FITM2: variants seen among roughly 807,000 people sequenced by gnomAD.
The protein encoded by FITM2 is fat storage inducing transmembrane protein 2.
Under a neutral mutation model 23.3 loss-of-function variants are expected in FITM2, and 16 were observed. The ratio of observed to expected loss-of-function variants is 0.69; its 90% CI spans 0.47 to 1.05. The LOEUF (loss-of-function observed/expected upper bound fraction) is 1.05, where lower values mean the gene tolerates loss of function less well. Ranked by LOEUF, FITM2 falls within the 50% of genes least tolerant of loss-of-function variation. The pLI, the probability that FITM2 is intolerant of heterozygous loss-of-function variation, is 0.00. For synonymous variants in FITM2, 132 were observed against 142.0 expected, an observed-to-expected ratio of 0.93 and a Z score of 0.50; for missense variants, 273 against 327.5, an observed-to-expected ratio of 0.83 and a Z score of 1.29.
Position 44,306,552 on chromosome 20 carries a change from C to A in FITM2, c.*73G>T, listed in dbSNP as rs556686600. On this transcript the variant is annotated 3_prime_UTR_variant, in exon 2 of 2. Transcript: ENST00000396825. The stretch of plus-strand genomic sequence containing the variant: ...TCTGAAGTAGGATCAATAATTTAGC[C>A]AAATAACTAAGCAAAATATATATTT... The A allele has an allele frequency of 1.5e-5, 24 of 1,551,112 alleles. No individual in the cohort carries two copies. The South Asian group carries it at 3.0e-4, about 19-fold the overall frequency.
At chr20:44,310,947 G>A in intron 1 of FITM2, 29 bp downstream of exon 1, 2 of 1,522,696 alleles carry the variant, frequency 1.3e-6, no homozygotes, top group Non-Finnish European at 1.8e-6. Flanking sequence ...GGCTCGGGCG[G>A]GGACAGCGGA....
chr20:44,303,254 T>G lies in FITM2; in HGVS notation c.*3371A>C, dbSNP rs2062681604. 1 of 152,202 alleles carries G rather than the reference T, an allele frequency of 6.6e-6. No homozygotes were observed. The highest frequency in any genetic ancestry group is 1.5e-5 in the Non-Finnish European group (1 of 68,030). The allele number at this position is 152,202 out of a possible 1,614,324, so 9.4% of individuals were successfully genotyped here. ...GAGCACTTTACATGCACCATTTCTC[T>G]TCATCTCCACCTGACAGACGATGAA... On this transcript the variant is annotated 3_prime_UTR_variant, in exon 2 of 2. Transcript: ENST00000396825.
At chr20:44,307,478 T>G (rs908566810) in intron 1 of FITM2, among the ~76,000 whole-genome samples, 2 of 152,044 alleles carry the variant, frequency 1.3e-5, no homozygotes, top group African/African-American at 4.8e-5. Context: ...CGGGCTGGAG[T>G]GCAGTGGCGC....
Position 44,307,020 on chromosome 20 carries a change from T to C in FITM2, c.394A>G (p.Lys132Glu), listed in dbSNP as rs1234991039. ...YQSPALEGVRKEHQSKQQCHQ... is the reference protein window; with the variant it reads ...YQSPALEGVREEHQSKQQCHQ... ...CACTGCTGCTTGCTCTGGTGTTCCTTTCTGACCCCCTCCAGGGCTGGGGAC... is the reference window on the plus strand; with the variant it reads ...CACTGCTGCTTGCTCTGGTGTTCCTCTCTGACCCCCTCCAGGGCTGGGGAC... Residue 132 changes from lysine to glutamate, a missense_variant, in exon 2 of 2, where the codon AAG becomes GAG. This residue lies in a region of FITM2 where 117 missense variants were observed against 183.3 expected (regional missense o/e 0.64). Coordinates refer to ENST00000396825, the MANE Select transcript of FITM2 (RefSeq NM_001080472.4). The C allele has an allele frequency of 6.2e-7, 1 of 1,614,102 alleles. No homozygotes were observed. The highest frequency in any genetic ancestry group is 1.3e-5 in the African/African-American group (1 of 74,934).
intron 1 of FITM2, among the ~76,000 whole-genome samples, chr20:44,308,463 A>T (rs13037113): frequency 1.3e-5 from 2 of 151,922 alleles, no homozygotes; most frequent in African/African-American, 2.4e-5. Flanking sequence ...AACCAGCATG[A>T]ACAGATTAAA....
intron 1 of FITM2, 141 bp downstream of exon 1, chr20:44,310,835 G>C: frequency 1.7e-6 from 2 of 1,211,860 alleles, no homozygotes; most frequent in Non-Finnish European, 2.3e-6. Flanking sequence ...CGTGACACGC[G>C]TGCAGATGCT....
chr20:44,307,375 A>T, intron 1 of FITM2, 135 bp from the exon 2 acceptor site: 1 of 1,000,860 alleles, frequency 1.0e-6, no homozygotes. Context: ...AGCAACTATC[A>T]TGTTTTAGGT....
intron 1 of FITM2, among the ~76,000 whole-genome samples, chr20:44,310,621 G>A (rs2062702291): frequency 6.6e-6 from 1 of 152,168 alleles, no homozygotes; most frequent in Non-Finnish European, 1.5e-5. Flanking sequence ...TCCCAAACAG[G>A]GCAGGGGTCA....
Position 44,303,768 on chromosome 20 carries a change from G to T in FITM2, c.*2857C>A, listed in dbSNP as rs1487629190. 1 of 152,168 alleles carries T rather than the reference G, an allele frequency of 6.6e-6. No individual in the cohort carries two copies. Among genetic ancestry groups the T allele is most frequent in the Non-Finnish European group, 1.5e-5 (1 of 68,130 alleles). 9.4% of individuals were successfully genotyped at this position (152,168 alleles called of 1,614,324 possible). ...GCCTCCCGAGTAGCTGGGATTACAG[G>T]CGTGTACCACCACACCTGGCTAATT... On this transcript the variant is annotated 3_prime_UTR_variant, in exon 2 of 2. Transcript: ENST00000396825.
rs4810420 is a variant in FITM2, at chr20:44,305,690, C to T, written c.*935G>A. On this transcript the variant is annotated 3_prime_UTR_variant, in exon 2 of 2. Transcript: ENST00000396825. ...ATACAAAATTAGCCTGGTGTGGTGACGCATGCCTGTAATCCCAGCTACTCG... is the reference window on the plus strand; with the variant it reads ...ATACAAAATTAGCCTGGTGTGGTGATGCATGCCTGTAATCCCAGCTACTCG... 0.16 allele frequency: 24,867 copies of T among 151,784 alleles called. 2,206 individuals carry two copies. The highest frequency in any genetic ancestry group is 0.27 in the Middle Eastern group (79 of 296). The allele number at this position is 151,784 out of a possible 1,614,324, so 9.4% of individuals were successfully genotyped here.
chr20:44,307,507 C>T (rs1297388980), intron 1 of FITM2, among the ~76,000 whole-genome samples: 1 of 152,006 alleles, frequency 6.6e-6, no homozygotes, highest in African/African-American at 2.4e-5. Flanking sequence ...CTCACTGCAA[C>T]CTCCGCCTCC....
rs2062691774 is a variant in FITM2 at position 44,306,940 on chromosome 20, C to T, written c.474G>A (p.Leu158=). 6.2e-7 allele frequency: 1 copy of T among 1,614,106 alleles called. No homozygotes were observed. The highest frequency in any genetic ancestry group is 1.7e-5 in the Admixed American group (1 of 60,000). The change falls in exon 2 of 2, where the codon CTG becomes CTA. Residue 158 remains leucine, a synonymous_variant. Coordinates refer to ENST00000396825, the MANE Select transcript of FITM2 (RefSeq NM_001080472.4). ...HGFDISGHSF[L]LTFCALMIVE... ...CAATCATGAGGGCGCAGAAGGTCAGCAGGAAGGAGTGACCTGAGATGTCAA... is the reference window on the plus strand; with the variant it reads ...CAATCATGAGGGCGCAGAAGGTCAGTAGGAAGGAGTGACCTGAGATGTCAA...
intron 1 of FITM2, among the ~76,000 whole-genome samples, chr20:44,308,018 C>T (rs2062695552): frequency 6.6e-6 from 1 of 151,382 alleles, no homozygotes; most frequent in African/African-American, 2.4e-5. Context: ...ACCCGGGAGG[C>T]GGAGCTTGCA....
Position 44,303,471 on chromosome 20 carries a change from G to A in FITM2, c.*3154C>T, listed in dbSNP as rs2062682120. ...GGCGGAAGCCTCATCGATACAGAAG[G>A]CTCTGCAATTGACACTTTCCACATA... On this transcript the variant is annotated 3_prime_UTR_variant, in exon 2 of 2. Transcript: ENST00000396825. 1 of 152,186 alleles carries A rather than the reference G, an allele frequency of 6.6e-6. No homozygotes were observed. The highest frequency in any genetic ancestry group is 6.5e-5 in the Admixed American group (1 of 15,272). 9.4% of individuals were successfully genotyped at this position (152,186 alleles called of 1,614,324 possible). A position where few individuals can be genotyped will look rare whatever the true frequency, so the allele number is the denominator to read the frequency against.
chr20:44,307,754 G>A (rs1339712283), intron 1 of FITM2, among the ~76,000 whole-genome samples: 1 of 151,340 alleles, frequency 6.6e-6, no homozygotes, highest in African/African-American at 2.4e-5. Flanking sequence ...CCACCCCTGT[G>A]TAAGTACTTT....
In FITM2 at chr20:44,303,575, TG is replaced by T. The variant is rs2062682352; in HGVS notation, c.*3049del. 1 of 152,038 alleles carries T rather than the reference TG, an allele frequency of 6.6e-6. No individual in the cohort carries two copies. Among genetic ancestry groups the T allele is most frequent in the Admixed American group, 6.5e-5 (1 of 15,272 alleles). 9.4% of individuals were successfully genotyped at this position (152,038 alleles called of 1,614,324 possible). A position where few individuals can be genotyped will look rare whatever the true frequency, so the allele number is the denominator to read the frequency against. On this transcript the variant is annotated 3_prime_UTR_variant, in exon 2 of 2. Coordinates refer to ENST00000396825, the MANE Select transcript of FITM2 (RefSeq NM_001080472.4). ...GATTTAAGTGTCACAAATGAACTTC[TG>T]GGGTCACCCTGTGCCTATTCCCTTT...
chr20:44,307,499 C>T (rs1313182381), intron 1 of FITM2, among the ~76,000 whole-genome samples: 1 of 152,048 alleles, frequency 6.6e-6, no homozygotes, highest in Non-Finnish European at 1.5e-5. Context: ...AATCTCAGCT[C>T]ACTGCAACCT....
At position 44,308,843 on chromosome 20, in the gene FITM2, G is replaced by C. The variant is rs11698289; in HGVS notation, c.174-1603C>G. Among the ~76,000 whole-genome samples the C allele has an allele frequency of 9.1e-3, 1,375 of 151,874 alleles. 7 individuals carry two copies. The highest frequency in any genetic ancestry group is 0.014 in the Admixed American group (212 of 15,248). On this transcript the variant is annotated intron_variant, in intron 1 of 1. Transcript: ENST00000396825. ...TAGATATGAGCCATGCACCTGGCCT[G>C]GTTCTTTCCTAATGGCAGAAACAGT...
At chr20:44,307,369 A>C in intron 1 of FITM2, 129 bp from the exon 2 acceptor site, 1 of 1,097,324 alleles carries the variant, frequency 9.1e-7, no homozygotes, top group Non-Finnish European at 1.3e-6. Flanking sequence ...GCTCATAGCA[A>C]CTATCATGTT....
Sources: allele counts gnomAD v4.1 joint callset (sites outside exome capture counted in the v4.1 genomes callset), GRCh38; gene constraint gnomAD v4.1.1; regional missense constraint gnomAD v4.1.1; transcripts MANE v1.5; gene names NCBI Gene and HGNC (gene_info 2026-07-23, HGNC 2026-07-21).